The following CSMD1 variants were observed in gnomAD, a reference collection of about 807,000 sequenced individuals.
CSMD1 encodes CUB and Sushi multiple domains 1.
A neutral mutation model predicts 417.5 loss-of-function variants in CSMD1; 213 were observed. That is an observed-to-expected ratio of 0.51 (90% confidence interval 0.46 to 0.57). CSMD1 has a LOEUF of 0.57. Among genes scored for constraint, CSMD1 ranks in the 20% least tolerant of loss-of-function variants. The pLI, the probability that CSMD1 is intolerant of heterozygous loss-of-function variation, is 0.00. For missense variants in CSMD1, 6,923 were observed against 4,529.7 expected (o/e 1.53, Z -15.17); for synonymous variants, 2,862 against 1,736.8 (o/e 1.65, Z -16.11).
At chr8:4,211,993 A>G (rs1475892898) in intron 3 of CSMD1, among the ~76,000 whole-genome samples, 2 of 152,160 alleles carry the variant, frequency 1.3e-5, no homozygotes, top group Non-Finnish European at 2.9e-5. Context: ...TTCTGTTATA[A>G]AATAGCAGTT....
intron 10 of CSMD1, among the ~76,000 whole-genome samples, chr8:3,531,693 C>A (rs1454368422): frequency 6.6e-6 from 1 of 152,128 alleles, no homozygotes; most frequent in Non-Finnish European, 1.5e-5. Flanking sequence ...GCAAAGAGTC[C>A]TCAGCAGAAC....
At chr8:4,031,793 G>T (rs1274470416) in intron 4 of CSMD1, 112 bp downstream of exon 4, 2 of 736,128 alleles carry the variant, frequency 2.7e-6, no homozygotes, top group South Asian at 2.9e-5. Flanking sequence ...GACATTGTAA[G>T]AGTCAGCTCA....
At chr8:4,415,555 A>T (rs1796888161) in intron 3 of CSMD1, among the ~76,000 whole-genome samples, 1 of 152,174 alleles carries the variant, frequency 6.6e-6, no homozygotes, top group South Asian at 2.1e-4. Context: ...ATGACTATTG[A>T]GTCACACCAA....
intron 1 of CSMD1, among the ~76,000 whole-genome samples, chr8:4,992,718 T>A (rs1811538380): frequency 1.3e-5 from 2 of 152,148 alleles, no homozygotes; most frequent in Admixed American, 1.3e-4. Context: ...CGGGCCCTGC[T>A]CAGCAGGCGC....
At position 3,409,191 on chromosome 8, in the gene CSMD1, A is replaced by T. The variant is rs548534935; in HGVS notation, c.1744+232T>A. On this transcript the variant is annotated intron_variant, in intron 13 of 69. Coordinates refer to ENST00000635120, the MANE Select transcript of CSMD1 (RefSeq NM_033225.6). The stretch of plus-strand genomic sequence containing the variant: ...TGACCCTTTCTGGTAGGAAACGTTC[A>T]AGTACATTTTGTCGAGTAGATGTAA... Among the ~76,000 whole-genome samples, 8 of 152,344 alleles carry T rather than the reference A, an allele frequency of 5.3e-5. No homozygotes were observed. The South Asian group carries it at 8.3e-4, about 16-fold the overall frequency.
chr8:3,316,578 A>G (rs997895613), intron 23 of CSMD1, among the ~76,000 whole-genome samples: 1 of 152,160 alleles, frequency 6.6e-6, no homozygotes, highest in Non-Finnish European at 1.5e-5. Context: ...GACGCCATCC[A>G]CTCAGAGGGA....
At chr8:3,647,130 G>A (rs1335638532) in intron 7 of CSMD1, among the ~76,000 whole-genome samples, 6 of 152,128 alleles carry the variant, frequency 3.9e-5, no homozygotes, top group African/African-American at 1.4e-4. Flanking sequence ...ATAAATCATA[G>A]GAATGTAAGC....
chr8:4,025,308 T>C (rs1339871909), intron 4 of CSMD1, among the ~76,000 whole-genome samples: 8 of 152,326 alleles, frequency 5.3e-5, no homozygotes, highest in African/African-American at 1.9e-4. Flanking sequence ...CAGTGGACCA[T>C]CTTTCATGTT....
At chr8:4,052,746 C>A (rs1365414482) in intron 3 of CSMD1, among the ~76,000 whole-genome samples, 1 of 150,988 alleles carries the variant, frequency 6.6e-6, no homozygotes, top group Non-Finnish European at 1.5e-5. Context: ...GATAAAAGAA[C>A]AAGTTTTAAA....
chr8:4,563,228 C>T (rs558904026), intron 2 of CSMD1, among the ~76,000 whole-genome samples: 6 of 152,064 alleles, frequency 3.9e-5, no homozygotes, highest in South Asian at 2.1e-4. Flanking sequence ...GGTGAAACCC[C>T]GTCTCTACTA....
chr8:4,784,414 ACT>A (rs1435277887), intron 1 of CSMD1, among the ~76,000 whole-genome samples: 2 of 152,068 alleles, frequency 1.3e-5, no homozygotes, highest in Non-Finnish European at 2.9e-5. Context: ...GGAAGAACAA[ACT>A]CATATGGATT....
chr8:3,951,719 A>G (rs764994062), intron 5 of CSMD1, among the ~76,000 whole-genome samples: 3 of 152,216 alleles, frequency 2.0e-5, no homozygotes, highest in Non-Finnish European at 4.4e-5. Flanking sequence ...CTTCATGGGT[A>G]TTAACAACAT....
intron 10 of CSMD1, among the ~76,000 whole-genome samples, chr8:3,519,281 C>G (rs1017759632): frequency 1.2e-4 from 18 of 152,100 alleles, no homozygotes; most frequent in African/African-American, 3.9e-4. Flanking sequence ...CTGAAAATAC[C>G]TGAGTCTTCA....
Position 4,582,225 on chromosome 8 carries a change from A to G in CSMD1, c.302+55117T>C, listed in dbSNP as rs1799455092. Among the ~76,000 whole-genome samples the G allele has an allele frequency of 3.9e-5, 6 of 152,146 alleles. No homozygotes were observed. The South Asian group carries it at 1.2e-3, about 32-fold the overall frequency. ...TGACACCCACTAAGCACTTAGAATT[A>G]CTGTCAATAATAATAAAGGGCTGAC... On this transcript the variant is annotated intron_variant, in intron 2 of 69. Coordinates refer to ENST00000635120, the MANE Select transcript of CSMD1 (RefSeq NM_033225.6).
At chr8:4,056,591 A>T (rs2740879) in intron 3 of CSMD1, among the ~76,000 whole-genome samples, 142,208 of 151,632 alleles carry the variant, frequency 0.94, 66,747 homozygotes, top group East Asian at 0.99. Flanking sequence ...ATGTGCAGGT[A>T]AGTTACCTAT....
At chr8:4,523,081 T>C (rs372701782) in intron 2 of CSMD1, among the ~76,000 whole-genome samples, 2 of 152,268 alleles carry the variant, frequency 1.3e-5, no homozygotes, top group East Asian at 3.9e-4. Flanking sequence ...ATATAGAAAC[T>C]CCAACCTTTT....
intron 7 of CSMD1, among the ~76,000 whole-genome samples, chr8:3,701,685 G>C (rs939099952): frequency 2.6e-5 from 4 of 152,124 alleles, no homozygotes; most frequent in African/African-American, 9.7e-5. Flanking sequence ...TTGCAAAATG[G>C]TTCAATCAGT....
chr8:3,750,068 T>C (rs1028176487), intron 6 of CSMD1, among the ~76,000 whole-genome samples: 5 of 152,182 alleles, frequency 3.3e-5, no homozygotes, highest in Admixed American at 6.5e-5. Flanking sequence ...ATTTGGAATT[T>C]CAAGCTGTTT....
chr8:3,954,636 A>T (rs1473220632), intron 5 of CSMD1, among the ~76,000 whole-genome samples: 1 of 152,230 alleles, frequency 6.6e-6, no homozygotes. Flanking sequence ...TTTTGGGATT[A>T]CAGGCGTGAG....
Sources: gnomAD v4.1 joint callset for allele counts (sites outside exome capture counted in the v4.1 genomes callset) on GRCh38, gnomAD v4.1.1 for gene constraint, MANE v1.5 for transcripts, NCBI Gene and HGNC (gene_info 2026-07-23, HGNC 2026-07-21) for gene names.